The following ANKFN1 variants were observed in gnomAD, a reference collection of about 807,000 sequenced individuals.
ANKFN1 encodes ankyrin repeat and fibronectin type III domain containing 1.
A neutral mutation model predicts 108.7 loss-of-function variants in ANKFN1; 74 were observed. That is an observed-to-expected ratio of 0.68 (90% confidence interval 0.56 to 0.83). ANKFN1 has a LOEUF of 0.83. ANKFN1 is among the 40% of genes least tolerant of loss of function. The pLI is 0.00. For synonymous variants in ANKFN1, 547 were observed against 516.2 expected, an observed-to-expected ratio of 1.06 and a Z score of -0.81; for missense variants, 1,505 against 1,382.3, an observed-to-expected ratio of 1.09 and a Z score of -1.41.
At chr17:56,083,475 G>A (rs1490899559) in intron 4 of ANKFN1, among the ~76,000 whole-genome samples, 1 of 150,730 alleles carries the variant, frequency 6.6e-6, no homozygotes, top group Non-Finnish European at 1.5e-5. Flanking sequence ...TACATCCAGA[G>A]AGGAAGAAAG....
At chr17:56,249,692 G>A (rs570349200) in intron 3 of ANKFN1, among the ~76,000 whole-genome samples, 1 of 152,316 alleles carries the variant, frequency 6.6e-6, no homozygotes, top group Non-Finnish European at 1.5e-5. Context: ...TGCTGGACTA[G>A]GATAGAGATC....
intron 4 of ANKFN1, among the ~76,000 whole-genome samples, chr17:56,095,230 G>T (rs17212802): frequency 0.2 from 30,166 of 150,576 alleles, 4,009 homozygotes; most frequent in East Asian, 0.33. Context: ...TTTCAGCCCT[G>T]TGATTGACTA....
intron 11 of ANKFN1, among the ~76,000 whole-genome samples, chr17:56,455,360 C>T (rs150292757): frequency 6.6e-6 from 1 of 152,188 alleles, no homozygotes; most frequent in Non-Finnish European, 1.5e-5. Flanking sequence ...AGCAGCCAAA[C>T]TCATGTTCAA....
upstream of ANKFN1, among the ~76,000 whole-genome samples, chr17:56,149,812 C>T (rs944255301): frequency 1.3e-5 from 2 of 152,236 alleles, no homozygotes; most frequent in African/African-American, 4.8e-5. Flanking sequence ...GACGACATCC[C>T]TCCCTACCCC....
At chr17:56,293,095 G>A (rs1005438115) in intron 3 of ANKFN1, among the ~76,000 whole-genome samples, 2 of 152,130 alleles carry the variant, frequency 1.3e-5, no homozygotes, top group Admixed American at 6.6e-5. Context: ...AATGGGCCAA[G>A]TACTGTCTTA....
At chr17:56,068,885 G>A (rs893759071) in intron 4 of ANKFN1, among the ~76,000 whole-genome samples, 2 of 152,034 alleles carry the variant, frequency 1.3e-5, no homozygotes, top group East Asian at 1.9e-4. Context: ...CCTTTATCAC[G>A]TATGTATTTC....
intron 4 of ANKFN1, among the ~76,000 whole-genome samples, chr17:56,055,566 C>CACATATATATATATAT (rs1555588767): frequency 1.1e-4 from 5 of 47,460 alleles, no homozygotes; most frequent in African/African-American, 6.6e-4. Context: ...GGTATATATA[C>CACATATATATATATAT]ATATATATAT....
chr17:56,428,113 A>C (rs2048630196), intron 8 of ANKFN1, among the ~76,000 whole-genome samples: 1 of 152,030 alleles, frequency 6.6e-6, no homozygotes, highest in Non-Finnish European at 1.5e-5. Flanking sequence ...GGGCACCTGT[A>C]ATCCCAGCTA....
chr17:56,305,334 C>T (rs2044790424), intron 3 of ANKFN1, among the ~76,000 whole-genome samples: 1 of 152,256 alleles, frequency 6.6e-6, no homozygotes, highest in Middle Eastern at 3.4e-3. Flanking sequence ...CAAACCATAT[C>T]GTATGGCTTG....
intron 3 of ANKFN1, among the ~76,000 whole-genome samples, chr17:56,286,062 C>A (rs1448270175): frequency 6.6e-6 from 1 of 152,142 alleles, no homozygotes; most frequent in Non-Finnish European, 1.5e-5. Flanking sequence ...ATCCAGTATC[C>A]TGCTCTGCCT....
At chr17:56,506,041 T>TACA (rs2051548217) in intron 20 of ANKFN1, among the ~76,000 whole-genome samples, 1 of 44,106 alleles carries the variant, frequency 2.3e-5, no homozygotes, top group Non-Finnish European at 1.3e-4. Flanking sequence ...AGTGACATTA[T>TACA]TTGTTTTTTT....
chr17:56,360,444 A>G (rs1171804887), intron 6 of ANKFN1, among the ~76,000 whole-genome samples: 1 of 151,360 alleles, frequency 6.6e-6, no homozygotes, highest in Non-Finnish European at 1.5e-5. Context: ...TCATCACATC[A>G]CTCTCTTGTC....
Position 56,477,474 on chromosome 17 carries a change from T to C in ANKFN1, c.1774-14T>C. ...TTTCTTGTTTTCTTTTTTTTTTTTT[T>C]TTTAACCCTACAGGATATTCTATCC... On this transcript the variant is annotated splice_polypyrimidine_tract_variant and intron_variant, in intron 15 of 20. Transcript: ENST00000682825. 4.7e-6 allele frequency: 7 copies of C among 1,494,264 alleles called. No homozygotes were observed. The Admixed American group carries it at 1.5e-4, about 31-fold the overall frequency. 92.6% of individuals were successfully genotyped at this position (1,494,264 alleles called of 1,614,324 possible).
At chr17:56,282,750 G>C (rs1266745716) in intron 3 of ANKFN1, among the ~76,000 whole-genome samples, 4 of 152,056 alleles carry the variant, frequency 2.6e-5, no homozygotes, top group Non-Finnish European at 2.9e-5. Context: ...CTGGTGCTAG[G>C]AGTGATCTGT....
intron 8 of ANKFN1, among the ~76,000 whole-genome samples, chr17:56,399,724 T>A (rs1016541914): frequency 6.6e-6 from 1 of 151,782 alleles, no homozygotes; most frequent in Non-Finnish European, 1.5e-5. Context: ...TGAGAACATA[T>A]GATGTTTGGC....
At chr17:56,427,475 T>A (rs1208795863) in intron 8 of ANKFN1, among the ~76,000 whole-genome samples, 1 of 152,158 alleles carries the variant, frequency 6.6e-6, no homozygotes, top group East Asian at 1.9e-4. Flanking sequence ...GTAGCTGATA[T>A]GAACATACAG....
intron 4 of ANKFN1, among the ~76,000 whole-genome samples, chr17:56,064,967 C>T (rs761220013): frequency 2.1e-4 from 32 of 152,322 alleles, no homozygotes; most frequent in Admixed American, 2.0e-3. Context: ...GGGGTGGGGG[C>T]TCCCCTGCCC....
chr17:56,140,737 T>C (rs1907870598), intron 4 of ANKFN1, among the ~76,000 whole-genome samples: 1 of 152,194 alleles, frequency 6.6e-6, no homozygotes, highest in South Asian at 2.1e-4. Context: ...GAACTGGTAA[T>C]GGCTATATAA....
chr17:56,316,968 C>T (rs1435167590), intron 3 of ANKFN1, among the ~76,000 whole-genome samples: 1 of 152,164 alleles, frequency 6.6e-6, no homozygotes, highest in Non-Finnish European at 1.5e-5. Context: ...AAAAAGAAAA[C>T]ATTCCTGATA....
Sources: gnomAD v4.1 joint callset for allele counts (sites outside exome capture counted in the v4.1 genomes callset) on GRCh38, gnomAD v4.1.1 for gene constraint, MANE v1.5 for transcripts, NCBI Gene and HGNC (gene_info 2026-07-23, HGNC 2026-07-21) for gene names.